Variants in SV2C observed in about 807,000 individuals in gnomAD.
SV2C encodes the protein solute carrier family 22 member B3.
Under a neutral mutation model 79.7 loss-of-function variants are expected in SV2C, and 49 were observed. That is an observed-to-expected ratio of 0.61 (90% CI 0.49 to 0.78). The LOEUF (loss-of-function observed/expected upper bound fraction) is 0.78. Ranked by LOEUF, SV2C falls within the 30% of genes least tolerant of loss-of-function variation. SV2C has a pLI of 0.00. For synonymous variants in SV2C, 334 were observed against 333.2 expected, an observed-to-expected ratio of 1.00 and a Z score of -0.03; for missense variants, 833 against 912.9, an observed-to-expected ratio of 0.91 and a Z score of 1.13.
At chr5:76,084,873 C>G (rs1747126509) in intron 1 of SV2C, among the ~76,000 whole-genome samples, 1 of 151,854 alleles carries the variant, frequency 6.6e-6, no homozygotes, top group South Asian at 2.1e-4. Context: ...AAGCCCCGCA[C>G]GGCCTGGGCT....
In SV2C at chr5:76,169,699, G is replaced by A. The variant is rs553010111; in HGVS notation, c.581-25220G>A. The stretch of plus-strand genomic sequence containing the variant: ...ATTAAACCGATTAAGGAAGCTCACA[G>A]ACACTGTTGATGCTGCTTGGAAACC... On this transcript the variant is annotated intron_variant, in intron 2 of 12. Coordinates refer to ENST00000502798, the MANE Select transcript of SV2C (RefSeq NM_014979.4). Among the ~76,000 whole-genome samples, 26 of 152,306 alleles carry A rather than the reference G, an allele frequency of 1.7e-4. No homozygotes were observed. The South Asian group carries it at 5.2e-3, about 30-fold the overall frequency.
the SV2C span, among the ~76,000 whole-genome samples, chr5:75,988,929 A>G: frequency 2.0e-5 from 3 of 151,906 alleles, no homozygotes; most frequent in Non-Finnish European, 2.9e-5. Context: ...ACCTCACTGC[A>G]TTAGTTTCCT....
chr5:76,313,227 A>C (rs1177778842), intron 12 of SV2C, among the ~76,000 whole-genome samples: 2 of 152,220 alleles, frequency 1.3e-5, no homozygotes, highest in Non-Finnish European at 2.9e-5. Context: ...AAAGATAAAT[A>C]TCTCACTTAT....
At chr5:75,981,035 G>A in the SV2C span, among the ~76,000 whole-genome samples, 1 of 152,144 alleles carries the variant, frequency 6.6e-6, no homozygotes, top group African/African-American at 2.4e-5. Context: ...CAGAATCAAT[G>A]TGCAAAAATA....
chr5:76,285,281 C>T lies in SV2C; in HGVS notation c.1033C>T (p.Arg345Ter), dbSNP rs769597563. 9 of 1,613,992 alleles carry T rather than the reference C, an allele frequency of 5.6e-6. No individual in the cohort carries two copies. Among genetic ancestry groups the T allele is most frequent in the Non-Finnish European group, 7.6e-6 (9 of 1,180,016 alleles). ...VALTFMPESPRFLLEVGKHDE... is the reference protein window; with the variant it reads ...VALTFMPESP Reference sequence around the variant, plus strand: ...CCTCACATTCATGCCTGAAAGCCCACGATTCTTGTTGGAGGTAACACTTAT... The same window carrying T: ...CCTCACATTCATGCCTGAAAGCCCATGATTCTTGTTGGAGGTAACACTTAT... The change falls in exon 5 of 13, where the codon CGA (arginine) becomes TGA (stop). Residue 345 changes from arginine to a stop codon, truncating the protein, a stop_gained. Coordinates refer to ENST00000502798, the MANE Select transcript of SV2C (RefSeq NM_014979.4). LOFTEE classifies it high-confidence loss of function.
At chr5:75,963,982 C>T in the SV2C span, among the ~76,000 whole-genome samples, 2 of 151,908 alleles carry the variant, frequency 1.3e-5, no homozygotes, top group Non-Finnish European at 2.9e-5. Context: ...TTCTCTTATT[C>T]TTTTTCTTTT....
Position 76,138,922 on chromosome 5 carries a change from T to A in SV2C, c.580+6592T>A, listed in dbSNP as rs1580298703. Among the ~76,000 whole-genome samples, 4 of 152,202 alleles carry A rather than the reference T, an allele frequency of 2.6e-5. No homozygotes were observed. In the South Asian group the frequency reaches 8.3e-4, roughly 32 times the overall value. ...TCACGAAGTCAGGAGATTTAGACCA[T>A]CCTGACTAACACAGTGAAACCCCAT... On this transcript the variant is annotated intron_variant, in intron 2 of 12. Coordinates refer to ENST00000502798, the MANE Select transcript of SV2C (RefSeq NM_014979.4).
the SV2C span, among the ~76,000 whole-genome samples, chr5:75,995,005 G>T: frequency 4.6e-5 from 7 of 152,150 alleles, no homozygotes; most frequent in African/African-American, 1.4e-4. Context: ...CTGAGAATCA[G>T]GAGCTCCCAT....
intron 4 of SV2C, among the ~76,000 whole-genome samples, chr5:76,279,985 G>A (rs894312212): frequency 6.6e-6 from 1 of 152,158 alleles, no homozygotes; most frequent in African/African-American, 2.4e-5. Flanking sequence ...GAGAAGACAG[G>A]GAGATGGAAC....
At chr5:76,238,971 T>G (rs1041599253) in intron 4 of SV2C, among the ~76,000 whole-genome samples, 1 of 152,216 alleles carries the variant, frequency 6.6e-6, no homozygotes, top group African/African-American at 2.4e-5. Context: ...GCCCACTGCA[T>G]TCACAGGTTT....
chr5:75,894,619 G>C, the SV2C span, among the ~76,000 whole-genome samples: 1 of 152,066 alleles, frequency 6.6e-6, no homozygotes, highest in African/African-American at 2.4e-5. Flanking sequence ...CTGAGTCAGA[G>C]CTTGCCTGCT....
chr5:76,351,658 G>A lies in SV2C; in HGVS notation c.2001-1472G>A, dbSNP rs141926087. ...CACAGTGGAAATGTCAGTTTACAGA[G>A]CTAGCTGCCTCCACTCGAGCTGCTG... is the stretch of plus-strand genomic sequence containing the variant. On this transcript the variant is annotated intron_variant, in intron 12 of 12. Coordinates refer to the SV2C transcript ENST00000322285. 5.6e-3 allele frequency among the ~76,000 whole-genome samples: 848 copies of A among 152,290 alleles called. 6 individuals carry two copies. Among genetic ancestry groups the A allele is most frequent in the Non-Finnish European group, 9.3e-3 (633 of 68,020 alleles).
At chr5:75,896,361 A>G in the SV2C span, among the ~76,000 whole-genome samples, 2,439 of 151,646 alleles carry the variant, frequency 0.016, 34 homozygotes, top group African/African-American at 0.042. Flanking sequence ...CTGATTTCCA[A>G]TTTCATCCAT....
chr5:76,084,838 C>A (rs1337611214), intron 1 of SV2C, among the ~76,000 whole-genome samples: 1 of 151,666 alleles, frequency 6.6e-6, no homozygotes, highest in Non-Finnish European at 1.5e-5. Context: ...GGCGGGAGGA[C>A]TGCGGCGGCG....
intron 4 of SV2C, among the ~76,000 whole-genome samples, chr5:76,212,841 C>A (rs1744804718): frequency 6.6e-6 from 1 of 152,194 alleles, no homozygotes; most frequent in African/African-American, 2.4e-5. Flanking sequence ...TTCTCTCCTG[C>A]CTTGTCACCG....
intron 4 of SV2C, among the ~76,000 whole-genome samples, chr5:76,225,581 T>A (rs541592002): frequency 1.3e-5 from 2 of 152,142 alleles, no homozygotes; most frequent in East Asian, 3.9e-4. Flanking sequence ...TTACTGTAGA[T>A]CTTAATCAAA....
intron 1 of SV2C, among the ~76,000 whole-genome samples, chr5:76,097,150 C>T (rs542531926): frequency 1.3e-5 from 2 of 152,234 alleles, no homozygotes; most frequent in South Asian, 4.2e-4. Flanking sequence ...CAAAGCCTTG[C>T]CTTGCATGTC....
At chr5:76,208,261 ACTTATG>A (rs1436815151) in intron 3 of SV2C, among the ~76,000 whole-genome samples, 1 of 152,252 alleles carries the variant, frequency 6.6e-6, no homozygotes, top group Non-Finnish European at 1.5e-5. Flanking sequence ...ATGAAATGAT[ACTTATG>A]CTTATCCTTA....
chr5:76,178,457 T>G (rs2112294685), intron 2 of SV2C, among the ~76,000 whole-genome samples: 1 of 152,330 alleles, frequency 6.6e-6, no homozygotes, highest in South Asian at 2.1e-4. Context: ...GCTCCCAGTC[T>G]TTTGGATTTT....
Sources: allele counts gnomAD v4.1 joint callset (sites outside exome capture counted in the v4.1 genomes callset), GRCh38; gene constraint gnomAD v4.1.1; transcripts MANE v1.5; gene names NCBI Gene and HGNC (gene_info 2026-07-23, HGNC 2026-07-21).